The following SEPTIN9 variants were observed in gnomAD, a reference collection of about 807,000 sequenced individuals.
SEPTIN9 encodes septin 9, also known as septin-9.
In SEPTIN9, 13 loss-of-function variants were observed where a neutral mutation model predicts 56.6. The ratio of observed to expected loss-of-function variants is 0.23; its 90% CI spans 0.15 to 0.37. The LOEUF is 0.37. Among genes scored for constraint, SEPTIN9 ranks in the 10% least tolerant of loss-of-function variants. SEPTIN9 has a pLI of 1.00. For synonymous variants in SEPTIN9, 332 were observed against 334.1 expected (o/e 0.99, Z 0.07); for missense variants, 650 against 823.1 (o/e 0.79, Z 2.57).
At chr17:77,292,224 G>A (rs538776686) in intron 1 of SEPTIN9, among the ~76,000 whole-genome samples, 27 of 152,142 alleles carry the variant, frequency 1.8e-4, no homozygotes, top group Non-Finnish European at 2.9e-4. Flanking sequence ...TCAGGCTCCT[G>A]CCACCTACCC....
At chr17:77,496,145 C>T (rs953872408) in intron 10 of SEPTIN9, 3 of 151,714 alleles carry the variant, frequency 2.0e-5, no homozygotes, top group Admixed American at 6.6e-5. Flanking sequence ...TCTCCTGCCT[C>T]AGCCTCCTGA....
intron 2 of SEPTIN9, among the ~76,000 whole-genome samples, chr17:77,357,169 C>T (rs2034281983): frequency 6.6e-6 from 1 of 152,098 alleles, no homozygotes; most frequent in South Asian, 2.1e-4. Flanking sequence ...GTGGAATCTT[C>T]CAGGTGTGGG....
intron 2 of SEPTIN9, among the ~76,000 whole-genome samples, chr17:77,347,789 T>C (rs2033934036): frequency 6.6e-6 from 1 of 152,146 alleles, no homozygotes; most frequent in South Asian, 2.1e-4. Context: ...TTCAGTACAG[T>C]ATTCAATAAC....
Position 77,450,434 on chromosome 17 carries a change from G to A in SEPTIN9, c.722-31710G>A, listed in dbSNP as rs2144401020. ...ACCAAAGGCTTCTTTCCATTTGAGT[G>A]AATCCCTCCCAGCCCCCAGCAAGCC... On this transcript the variant is annotated intron_variant, in intron 3 of 11. Transcript: ENST00000427177. This position sits in a 1 kb window ranked among gnomAD's most constrained non-coding sequence, Gnocchi z 6.0. 1 of 968,842 alleles carries A rather than the reference G, an allele frequency of 1.0e-6. No homozygotes were observed. Among genetic ancestry groups the A allele is most frequent in the South Asian group, 4.8e-5 (1 of 20,950 alleles). 60.0% of individuals were successfully genotyped at this position (968,842 alleles called of 1,614,324 possible).
At chr17:77,462,631 T>G (rs1406622957) in intron 3 of SEPTIN9, among the ~76,000 whole-genome samples, 1 of 151,820 alleles carries the variant, frequency 6.6e-6, no homozygotes, top group Non-Finnish European at 1.5e-5. Context: ...TAAATTTGTT[T>G]GTTGCTTGTT....
chr17:77,308,228 G>T (rs1213860486), intron 2 of SEPTIN9, among the ~76,000 whole-genome samples: 11 of 152,260 alleles, frequency 7.2e-5, no homozygotes, highest in Admixed American at 7.2e-4. Flanking sequence ...GGCAGGGACT[G>T]TGCCTTCATG....
chr17:77,405,054 G>A lies in SEPTIN9; in HGVS notation c.721+2351G>A, dbSNP rs976270647. 24 of 1,532,858 alleles carry A rather than the reference G, an allele frequency of 1.6e-5. No homozygotes were observed. Among genetic ancestry groups the A allele is most frequent in the Non-Finnish European group, 2.1e-5 (24 of 1,145,218 alleles). The allele number at this position is 1,532,858 out of a possible 1,614,324, so 95.0% of individuals were successfully genotyped here. A position where few individuals can be genotyped will look rare whatever the true frequency, so the allele number is the denominator to read the frequency against. On this transcript the variant is annotated intron_variant, in intron 3 of 11. Coordinates refer to ENST00000427177, the MANE Select transcript of SEPTIN9 (RefSeq NM_001113491.2). This position sits in a 1 kb window ranked among gnomAD's most constrained non-coding sequence, Gnocchi z 5.8. ...CAGCTGAGTCAAACAGGATGTGGCT[G>A]GGGAGGCGGTTGTCACCGAGCCATC...
At chr17:77,378,240 G>A (rs191554706) in intron 2 of SEPTIN9, among the ~76,000 whole-genome samples, 254 of 152,312 alleles carry the variant, frequency 1.7e-3, no homozygotes, top group Admixed American at 4.1e-3. Flanking sequence ...GGGGCTAGTG[G>A]ACAGAGTTTG....
At chr17:77,480,767 G>C (rs577077927) in intron 3 of SEPTIN9, among the ~76,000 whole-genome samples, 2 of 152,192 alleles carry the variant, frequency 1.3e-5, no homozygotes, top group African/African-American at 4.8e-5. Context: ...GCCTGGGAGC[G>C]TGCCGTGTGG....
At chr17:77,362,207 C>T (rs1053943642) in intron 2 of SEPTIN9, among the ~76,000 whole-genome samples, 1 of 152,226 alleles carries the variant, frequency 6.6e-6, no homozygotes, top group Non-Finnish European at 1.5e-5. Context: ...AGATTCCCTG[C>T]CCTGCCCTGC....
intron 2 of SEPTIN9, among the ~76,000 whole-genome samples, chr17:77,366,742 A>G (rs770945648): frequency 5.3e-5 from 8 of 152,192 alleles, no homozygotes; most frequent in Non-Finnish European, 1.2e-4. Context: ...GTATCATCAG[A>G]GCCAGCAGGC....
intron 3 of SEPTIN9, among the ~76,000 whole-genome samples, chr17:77,423,403 G>A (rs1445624295): frequency 1.3e-5 from 2 of 152,252 alleles, no homozygotes; most frequent in African/African-American, 4.8e-5. Flanking sequence ...TGTCCACAGA[G>A]TGAATGTTTA....
chr17:77,308,501 C>T (rs2032357529), intron 2 of SEPTIN9, among the ~76,000 whole-genome samples: 1 of 152,262 alleles, frequency 6.6e-6, no homozygotes, highest in Non-Finnish European at 1.5e-5. Context: ...TGTATGGTAG[C>T]CGCTTAGCCG....
In SEPTIN9 at chr17:77,327,000, C is replaced by G. The variant is rs780660779; in HGVS notation, c.76+19803C>G. The stretch of plus-strand genomic sequence containing the variant: ...CTCCCCCATACCTTGCCCTACACAT[C>G]TCTTCCCCTGTATCCTTTGTAATAT... On this transcript the variant is annotated intron_variant, in intron 2 of 11. Transcript: ENST00000427177. This position sits in a 1 kb window ranked among gnomAD's most constrained non-coding sequence, Gnocchi z 5.1. 6.6e-6 allele frequency among the ~76,000 whole-genome samples: 1 copy of G among 152,102 alleles called. No homozygotes were observed. The highest frequency in any genetic ancestry group is 2.4e-5 in the African/African-American group (1 of 41,394).
intron 2 of SEPTIN9, among the ~76,000 whole-genome samples, chr17:77,320,697 G>A (rs2032883088): frequency 2.0e-5 from 3 of 152,252 alleles, no homozygotes; most frequent in South Asian, 4.1e-4. Flanking sequence ...GGTCTGGGGC[G>A]GCGGCGCTTG....
At chr17:77,299,505 G>T (rs1455769505) in intron 1 of SEPTIN9, among the ~76,000 whole-genome samples, 1 of 152,192 alleles carries the variant, frequency 6.6e-6, no homozygotes. Flanking sequence ...GGAGTTCAAG[G>T]TTACAGTGAG....
rs1359619129 is a variant in SEPTIN9 at position 77,367,259 on chromosome 17, A to C, written c.77-34800A>C. 3.9e-5 allele frequency among the ~76,000 whole-genome samples: 6 copies of C among 152,194 alleles called. No individual in the cohort carries two copies. Among genetic ancestry groups the C allele is most frequent in the African/African-American group, 1.4e-4 (6 of 41,456 alleles). The stretch of plus-strand genomic sequence containing the variant: ...GGCTTGGCCCAGGTGGAAACCATGC[A>C]CTGTCTGTGATCCTGGGCATGTCGA... On this transcript the variant is annotated intron_variant, in intron 2 of 11. Transcript: ENST00000427177. The surrounding 1 kb of genome is among the most constrained non-coding windows in gnomAD (Gnocchi z 4.5).
In SEPTIN9 at chr17:77,333,494, C is replaced by T. The variant is rs759491755; in HGVS notation, c.76+26297C>T. ...CTCCTGCCTCTGCCTCCCCAAGAGCCGGTTTTACAGGCATGAGCCACCATG... is the reference window on the plus strand; with the variant it reads ...CTCCTGCCTCTGCCTCCCCAAGAGCTGGTTTTACAGGCATGAGCCACCATG... On this transcript the variant is annotated intron_variant, in intron 2 of 11. Transcript: ENST00000427177. Among the ~76,000 whole-genome samples, 15 of 152,216 alleles carry T rather than the reference C, an allele frequency of 9.9e-5. 1 individual carries two copies. The East Asian group carries it at 1.5e-3, about 16-fold the overall frequency.
chr17:77,468,588 C>T (rs562967493), intron 3 of SEPTIN9, among the ~76,000 whole-genome samples: 1 of 152,286 alleles, frequency 6.6e-6, no homozygotes, highest in East Asian at 1.9e-4. Flanking sequence ...TGTTATTATC[C>T]CATTTCACAT....
Sources: allele counts gnomAD v4.1 joint callset (sites outside exome capture counted in the v4.1 genomes callset), GRCh38; gene constraint gnomAD v4.1.1; non-coding constraint Gnocchi (gnomAD v3.1); transcripts MANE v1.5; gene names NCBI Gene and HGNC (gene_info 2026-07-23, HGNC 2026-07-21).